The following CPNE4 variants were observed in gnomAD, a reference collection of about 807,000 sequenced individuals.
CPNE4 encodes copine 4, also known as copine-4.
A neutral mutation model predicts 67.9 loss-of-function variants in CPNE4; 25 were observed. That is an observed-to-expected ratio of 0.37 (90% CI 0.27 to 0.51). The LOEUF is 0.51. CPNE4 is among the 20% of genes least tolerant of loss of function. The pLI, the probability that CPNE4 is intolerant of heterozygous loss-of-function variation, is 0.93. For missense variants in CPNE4, 464 were observed against 690.8 expected (o/e 0.67, Z 3.68); for synonymous variants, 242 against 244.9 (o/e 0.99, Z 0.11).
At chr3:132,035,474 G>A (rs567347284), upstream of CPNE4, 4 of 152,312 alleles carry the variant, frequency 2.6e-5, no homozygotes, top group East Asian at 5.8e-4. Flanking sequence ...TAATGCATGA[G>A]TAAATTAATG....
chr3:131,978,109 A>ATAAATATATATAT (rs1412163656), intron 1 of CPNE4, among the ~76,000 whole-genome samples: 4 of 60,408 alleles, frequency 6.6e-5, no homozygotes, highest in Non-Finnish European at 9.6e-5. Context: ...AAATATATAT[A>ATAAATATATATAT]AAATATATAT....
rs758232446 is a variant in CPNE4 at position 131,699,906 on chromosome 3, T to TA, written c.432+2dup. On this transcript the variant is annotated splice_region_variant and intron_variant, in intron 4 of 15. Coordinates refer to ENST00000429747, the MANE Select transcript of CPNE4 (RefSeq NM_130808.3). ...GACAGCTGCTTAGGGAGTGCCTGCT[T>TA]ACCGTGATGGAAGATTTCCCTGCTG... 6.2e-7 allele frequency: 1 copy of TA among 1,613,022 alleles called. No homozygotes were observed. Among genetic ancestry groups the TA allele is most frequent in the East Asian group, 2.2e-5 (1 of 44,862 alleles).
chr3:131,732,531 C>T (rs1261703807), intron 2 of CPNE4, among the ~76,000 whole-genome samples: 2 of 152,180 alleles, frequency 1.3e-5, no homozygotes, highest in Non-Finnish European at 2.9e-5. Context: ...TACCCTCTGT[C>T]TACAGGCCCT....
intron 2 of CPNE4, among the ~76,000 whole-genome samples, chr3:131,824,721 T>C (rs1166445802): frequency 6.6e-6 from 1 of 152,162 alleles, no homozygotes; most frequent in Non-Finnish European, 1.5e-5. Flanking sequence ...TTGTTTTGTA[T>C]GAATCTGAAC....
At chr3:131,608,623 G>A (rs1312756856) in intron 7 of CPNE4, among the ~76,000 whole-genome samples, 1 of 152,092 alleles carries the variant, frequency 6.6e-6, no homozygotes, top group African/African-American at 2.4e-5. Context: ...TGGCCTTAAG[G>A]AAAGGATACT....
intron 1 of CPNE4, among the ~76,000 whole-genome samples, chr3:131,943,521 C>G (rs1248169774): frequency 1.3e-5 from 2 of 152,056 alleles, no homozygotes; most frequent in Non-Finnish European, 2.9e-5. Context: ...GTTGCTATTA[C>G]TTATTGTTAT....
chr3:131,923,412 C>T (rs576068635), intron 1 of CPNE4, among the ~76,000 whole-genome samples: 9 of 152,118 alleles, frequency 5.9e-5, no homozygotes, highest in African/African-American at 2.2e-4. Context: ...TGCAGAAAAT[C>T]CAACAGAACT....
At chr3:131,909,010 C>T (rs2088873867) in intron 1 of CPNE4, among the ~76,000 whole-genome samples, 1 of 152,182 alleles carries the variant, frequency 6.6e-6, no homozygotes, top group African/African-American at 2.4e-5. Flanking sequence ...CATGCTTTCA[C>T]TACCAACTGA....
intron 7 of CPNE4, among the ~76,000 whole-genome samples, chr3:131,620,977 A>G (rs1204721353): frequency 6.6e-6 from 1 of 151,670 alleles, no homozygotes; most frequent in African/African-American, 2.4e-5. Context: ...GGAAACTCAT[A>G]ACACCATCAT....
chr3:131,929,218 A>AAAAAAACG (rs147184357), intron 1 of CPNE4, among the ~76,000 whole-genome samples: 1 of 137,724 alleles, frequency 7.3e-6, no homozygotes, highest in Non-Finnish European at 1.6e-5. Flanking sequence ...AAAAAAAAAA[A>AAAAAAACG]GATTTTCAGA....
At chr3:131,727,630 T>C (rs1481767305) in intron 2 of CPNE4, among the ~76,000 whole-genome samples, 1 of 152,192 alleles carries the variant, frequency 6.6e-6, no homozygotes, top group Non-Finnish European at 1.5e-5. Context: ...TATATATCTA[T>C]TTAAAGTATA....
chr3:131,618,911 G>C (rs931320143), intron 7 of CPNE4, among the ~76,000 whole-genome samples: 1 of 152,136 alleles, frequency 6.6e-6, no homozygotes, highest in Admixed American at 6.5e-5. Context: ...TATTCCTGGG[G>C]TGTTAGTCTA....
intron 2 of CPNE4, among the ~76,000 whole-genome samples, chr3:131,736,167 ATTAAC>A (rs144386909): frequency 0.21 from 32,323 of 151,998 alleles, 4,193 homozygotes; most frequent in Non-Finnish European, 0.28. Context: ...TGTGGCAGTA[ATTAAC>A]TTAATACCTG....
intron 2 of CPNE4, among the ~76,000 whole-genome samples, chr3:131,838,503 T>A (rs1239505238): frequency 1.3e-5 from 2 of 151,570 alleles, no homozygotes; most frequent in African/African-American, 4.8e-5. Flanking sequence ...ATACAATATA[T>A]TTAAAAATAA....
intron 1 of CPNE4, among the ~76,000 whole-genome samples, chr3:132,013,117 G>T (rs1018893138): frequency 3.9e-5 from 6 of 152,188 alleles, no homozygotes; most frequent in African/African-American, 1.4e-4. Context: ...CAGCTACTCA[G>T]GAGGCTGAGG....
At chr3:131,639,155 G>T (rs1399574492) in intron 7 of CPNE4, among the ~76,000 whole-genome samples, 1 of 151,660 alleles carries the variant, frequency 6.6e-6, no homozygotes, top group South Asian at 2.1e-4. Flanking sequence ...TAATAAATAA[G>T]GAAGATCAGA....
intron 2 of CPNE4, among the ~76,000 whole-genome samples, chr3:131,799,906 GTGTGTGTGTGTGT>G (rs999040461): frequency 2.4e-5 from 2 of 82,558 alleles, no homozygotes; most frequent in East Asian, 5.5e-4. Context: ...GTTGGTGCGT[GTGTGTGTGTGTGT>G]TGTGTGTGTG....
chr3:131,749,427 G>T (rs11925730), intron 2 of CPNE4, among the ~76,000 whole-genome samples: 43,176 of 151,898 alleles, frequency 0.28, 6,234 homozygotes, highest in Middle Eastern at 0.35. Flanking sequence ...TGTACATGTT[G>T]CTGGTTTGGA....
chr3:131,892,890 A>AT (rs2088172182), intron 2 of CPNE4, among the ~76,000 whole-genome samples: 1 of 152,072 alleles, frequency 6.6e-6, no homozygotes, highest in African/African-American at 2.4e-5. Context: ...AACAAACCAG[A>AT]TGAAACAATG....
Sources: allele counts gnomAD v4.1 joint callset (sites outside exome capture counted in the v4.1 genomes callset), GRCh38; gene constraint gnomAD v4.1.1; transcripts MANE v1.5; gene names NCBI Gene and HGNC (gene_info 2026-07-23, HGNC 2026-07-21).